The following CSMD3 variants were observed in gnomAD, a reference collection of about 807,000 sequenced individuals.
The protein encoded by CSMD3 is CUB and sushi domain-containing protein 3.
In CSMD3, 177 loss-of-function variants were observed where a neutral mutation model predicts 435.2. That is an observed-to-expected ratio of 0.41 (90% CI 0.36 to 0.46). CSMD3 has a LOEUF of 0.46. CSMD3 is among the 20% of genes least tolerant of loss of function. The pLI, the probability that CSMD3 is intolerant of heterozygous loss-of-function variation, is 0.34. For synonymous variants in CSMD3, 1,656 were observed against 1,520.5 expected (o/e 1.09, Z -2.07); for missense variants, 4,265 against 4,504.6 (o/e 0.95, Z 1.52).
chr8:112,629,428 C>T (rs1440107682), intron 22 of CSMD3, among the ~76,000 whole-genome samples: 4 of 152,042 alleles, frequency 2.6e-5, no homozygotes, highest in Non-Finnish European at 4.4e-5. Context: ...TACTTTTAAA[C>T]CCATATTCTT....
intron 13 of CSMD3, among the ~76,000 whole-genome samples, chr8:112,707,423 A>G (rs2076521267): frequency 7.0e-6 from 1 of 142,874 alleles, no homozygotes; most frequent in South Asian, 2.2e-4. Flanking sequence ...CTAATAAACC[A>G]TTATTGAGAC....
At chr8:112,258,616 G>C (rs1002332975) in intron 61 of CSMD3, among the ~76,000 whole-genome samples, 9 of 152,166 alleles carry the variant, frequency 5.9e-5, no homozygotes, top group Non-Finnish European at 1.0e-4. Flanking sequence ...TCATTAAAAA[G>C]TCAGGAAACA....
intron 3 of CSMD3, among the ~76,000 whole-genome samples, chr8:113,180,170 G>A (rs1208785189): frequency 6.6e-6 from 1 of 151,898 alleles, no homozygotes; most frequent in African/African-American, 2.4e-5. Context: ...TTTCCCAGAT[G>A]ATTAAAAATA....
intron 4 of CSMD3, among the ~76,000 whole-genome samples, chr8:113,173,258 C>T (rs2092296880): frequency 6.6e-6 from 1 of 152,062 alleles, no homozygotes; most frequent in African/African-American, 2.4e-5. Context: ...CTAGTCAATA[C>T]TAGAATTTAG....
chr8:113,325,276 C>T (rs1191288638), intron 1 of CSMD3, among the ~76,000 whole-genome samples: 1 of 152,104 alleles, frequency 6.6e-6, no homozygotes, highest in Non-Finnish European at 1.5e-5. Context: ...TGTGTCCCCA[C>T]CCAAATCTCA....
intron 32 of CSMD3, among the ~76,000 whole-genome samples, chr8:112,470,899 A>G (rs1818453807): frequency 6.6e-6 from 1 of 151,758 alleles, no homozygotes; most frequent in South Asian, 2.1e-4. Flanking sequence ...TCCACAAAAA[A>G]AACAAGAAGA....
chr8:113,086,121 C>T (rs546712609), intron 5 of CSMD3, among the ~76,000 whole-genome samples: 12 of 151,726 alleles, frequency 7.9e-5, no homozygotes, highest in South Asian at 6.3e-4. Context: ...GGGTGGCGGG[C>T]GACTGTAGTC....
chr8:113,120,751 G>A (rs1177567383), intron 4 of CSMD3, among the ~76,000 whole-genome samples: 4 of 152,124 alleles, frequency 2.6e-5, no homozygotes, highest in Admixed American at 2.6e-4. Flanking sequence ...GGTCACCTTT[G>A]CAGGATGTCA....
intron 30 of CSMD3, among the ~76,000 whole-genome samples, chr8:112,494,531 CTTT>C (rs1821103634): frequency 1.7e-5 from 2 of 117,668 alleles, no homozygotes; most frequent in Non-Finnish European, 3.6e-5. Context: ...TTCTTTCTTT[CTTT>C]CTTTCTTTCT....
At chr8:112,693,890 T>TGG (rs2076193632) in intron 13 of CSMD3, among the ~76,000 whole-genome samples, 1 of 151,662 alleles carries the variant, frequency 6.6e-6, no homozygotes, top group Non-Finnish European at 1.5e-5. Flanking sequence ...ATGTATATAA[T>TGG]ACACATATAC....
intron 13 of CSMD3, among the ~76,000 whole-genome samples, chr8:112,774,440 A>G (rs984386227): frequency 6.6e-6 from 1 of 152,046 alleles, no homozygotes; most frequent in African/African-American, 2.4e-5. Context: ...TAAAGAGCCC[A>G]AATCTCTTTC....
chr8:112,540,480 G>A lies in CSMD3; in HGVS notation c.4564+10191C>T, dbSNP rs77231875. Reference sequence around the variant, plus strand: ...TAGTATATCAAAGAGATAGCTGCACGTGCATGTTTATTGCAGCCCTATTCA... The same window carrying A: ...TAGTATATCAAAGAGATAGCTGCACATGCATGTTTATTGCAGCCCTATTCA... On this transcript the variant is annotated intron_variant, in intron 27 of 70. Transcript: ENST00000297405. Among the ~76,000 whole-genome samples, 36 of 152,056 alleles carry A rather than the reference G, an allele frequency of 2.4e-4. No individual in the cohort carries two copies. In the East Asian group the frequency reaches 7.0e-3, roughly 29 times the overall value.
chr8:112,739,189 T>C (rs914878432), intron 13 of CSMD3, among the ~76,000 whole-genome samples: 17 of 151,758 alleles, frequency 1.1e-4, no homozygotes, highest in Non-Finnish European at 2.1e-4. Context: ...GAATTTGAAA[T>C]AGAAAACCCA....
intron 5 of CSMD3, among the ~76,000 whole-genome samples, chr8:113,090,923 T>G (rs1741678801): frequency 6.6e-6 from 1 of 152,046 alleles, no homozygotes; most frequent in Admixed American, 6.6e-5. Context: ...CTCTCCTCAC[T>G]TTCAGGACAT....
intron 58 of CSMD3, among the ~76,000 whole-genome samples, chr8:112,286,484 C>T (rs1819211440): frequency 1.3e-5 from 2 of 151,880 alleles, no homozygotes; most frequent in South Asian, 4.1e-4. Context: ...TAATATCTGC[C>T]TTAGTTATCA....
At chr8:112,630,739 G>C (rs1185664313) in intron 22 of CSMD3, among the ~76,000 whole-genome samples, 1 of 152,088 alleles carries the variant, frequency 6.6e-6, no homozygotes, top group East Asian at 1.9e-4. Context: ...GAATAAGAAT[G>C]ATTCCATAAC....
chr8:112,832,542 A>G (rs890774782), intron 11 of CSMD3, among the ~76,000 whole-genome samples: 1 of 152,164 alleles, frequency 6.6e-6, no homozygotes, highest in African/African-American at 2.4e-5. Flanking sequence ...TTGAAGATAC[A>G]AACTGCCATG....
intron 4 of CSMD3, among the ~76,000 whole-genome samples, chr8:113,119,504 GT>G (rs2090926540): frequency 6.6e-6 from 1 of 152,142 alleles, no homozygotes; most frequent in Non-Finnish European, 1.5e-5. Context: ...AGTTTGAGAT[GT>G]TAAAAACATA....
At chr8:113,233,549 T>G (rs923889306) in intron 3 of CSMD3, among the ~76,000 whole-genome samples, 1 of 151,062 alleles carries the variant, frequency 6.6e-6, no homozygotes. Flanking sequence ...CATGATATAA[T>G]AAGAAGCTAG....
Sources: allele counts gnomAD v4.1 joint callset (sites outside exome capture counted in the v4.1 genomes callset), GRCh38; gene constraint gnomAD v4.1.1; transcripts MANE v1.5; gene names NCBI Gene and HGNC (gene_info 2026-07-23, HGNC 2026-07-21).